Variants in NTN1 observed in about 807,000 individuals in gnomAD.
The protein encoded by NTN1 is netrin-1.
In NTN1, 11 loss-of-function variants were observed where a neutral mutation model predicts 54.2. The ratio of observed to expected loss-of-function variants is 0.20; its 90% CI spans 0.13 to 0.34. The LOEUF is 0.34. Ranked by LOEUF, NTN1 falls within the 10% of genes least tolerant of loss-of-function variation. The pLI is 1.00. For synonymous variants in NTN1, 371 were observed against 382.0 expected (o/e 0.97, Z 0.33); for missense variants, 740 against 893.1 (o/e 0.83, Z 2.18).
At chr17:9,138,464 G>A (rs898675424) in intron 2 of NTN1, among the ~76,000 whole-genome samples, 1 of 152,208 alleles carries the variant, frequency 6.6e-6, no homozygotes, top group East Asian at 1.9e-4. Context: ...TCGGTGGCTG[G>A]ACCCCAGACG....
chr17:9,201,040 A>G lies in NTN1; in HGVS notation c.1411+18071A>G, dbSNP rs368280315. ...TTTTTAATGGCACAGATGGCAGATA[A>G]TAGAGGACGATACTTAGAACTAGTG... On this transcript the variant is annotated intron_variant, in intron 5 of 6. Transcript: ENST00000173229. 1.0e-3 allele frequency among the ~76,000 whole-genome samples: 152 copies of G among 152,238 alleles called. 1 individual carries two copies. Among genetic ancestry groups the G allele is most frequent in the Middle Eastern group, 6.8e-3 (2 of 294 alleles).
intron 2 of NTN1, among the ~76,000 whole-genome samples, chr17:9,141,446 G>A (rs1016841182): frequency 6.6e-6 from 1 of 152,134 alleles, no homozygotes; most frequent in Non-Finnish European, 1.5e-5. Context: ...GAGAGAGGTG[G>A]ATCCAACATG....
intron 2 of NTN1, among the ~76,000 whole-genome samples, chr17:9,048,657 T>G (rs1022719111): frequency 4.0e-5 from 6 of 148,992 alleles, no homozygotes; most frequent in African/African-American, 1.5e-4. Context: ...GTAGCCACTT[T>G]TTTTTTTTCT....
rs752350001 is a variant in NTN1 at position 9,165,118 on chromosome 17, C to T, written c.1207+2117C>T. Among the ~76,000 whole-genome samples, 15 of 152,270 alleles carry T rather than the reference C, an allele frequency of 9.9e-5. No individual in the cohort carries two copies. Among genetic ancestry groups the T allele is most frequent in the Admixed American group, 5.9e-4 (9 of 15,298 alleles). On this transcript the variant is annotated intron_variant, in intron 3 of 6. Coordinates refer to ENST00000173229, the MANE Select transcript of NTN1 (RefSeq NM_004822.3). The surrounding 1 kb of genome is among the most constrained non-coding windows in gnomAD (Gnocchi z 4.5). ...ACCCAACAGCGGCCACTCAGGTGGG[C>T]AGTCCTGTGCCTGAGAGTGAGAAGG...
At chr17:9,184,513 T>G (rs1300097665) in intron 5 of NTN1, among the ~76,000 whole-genome samples, 2 of 152,236 alleles carry the variant, frequency 1.3e-5, no homozygotes, top group African/African-American at 4.8e-5. Context: ...CTCTTTGATG[T>G]GACATTTGTC....
intron 3 of NTN1, chr17:9,174,826 A>G (rs933667280): frequency 2.0e-5 from 3 of 150,314 alleles, no homozygotes; most frequent in African/African-American, 7.6e-5. Context: ...GTCAGGCCAG[A>G]AGCGGAACTT....
chr17:9,121,865 C>T (rs1041764840), intron 2 of NTN1, among the ~76,000 whole-genome samples: 1 of 152,158 alleles, frequency 6.6e-6, no homozygotes, highest in Non-Finnish European at 1.5e-5. Context: ...CAAATCAGTC[C>T]TCCTGTCACC....
At chr17:9,048,031 G>A (rs543483343) in intron 2 of NTN1, among the ~76,000 whole-genome samples, 5 of 152,298 alleles carry the variant, frequency 3.3e-5, no homozygotes, top group African/African-American at 1.2e-4. Flanking sequence ...CTAGAATGGT[G>A]AATCCTTTTC....
intron 6 of NTN1, among the ~76,000 whole-genome samples, chr17:9,226,161 T>TGGGGGGGGGGG (rs148213778): frequency 2.1e-3 from 250 of 117,968 alleles, no homozygotes; most frequent in Non-Finnish European, 2.7e-3. Context: ...GGATTTGGGG[T>TGGGGGGGGGGG]CGGGGGGGGG....
At chr17:9,081,837 A>T (rs1401525994) in intron 2 of NTN1, among the ~76,000 whole-genome samples, 1 of 152,234 alleles carries the variant, frequency 6.6e-6, no homozygotes, top group African/African-American at 2.4e-5. Context: ...AGAAAGTCAG[A>T]TAAATATTTA....
chr17:9,167,226 A>G (rs1379786413), intron 3 of NTN1, among the ~76,000 whole-genome samples: 13 of 152,132 alleles, frequency 8.5e-5, no homozygotes, highest in Non-Finnish European at 2.9e-5. Context: ...ATGGTCTGTG[A>G]ATGATACTCG....
intron 5 of NTN1, among the ~76,000 whole-genome samples, chr17:9,216,764 T>G (rs1905224161): frequency 6.6e-6 from 1 of 152,214 alleles, no homozygotes; most frequent in Non-Finnish European, 1.5e-5. Context: ...AAGGTGAGAC[T>G]GGGTGCGGTG....
At chr17:9,227,475 CACAT>C (rs1905618925) in intron 6 of NTN1, among the ~76,000 whole-genome samples, 1 of 135,926 alleles carries the variant, frequency 7.4e-6, no homozygotes, top group African/African-American at 2.9e-5. Context: ...CACAGTCACA[CACAT>C]AGCACACACA....
At chr17:9,179,473 C>A (rs570892822) in intron 3 of NTN1, among the ~76,000 whole-genome samples, 1 of 152,240 alleles carries the variant, frequency 6.6e-6, no homozygotes, top group South Asian at 2.1e-4. Flanking sequence ...ACTCCTCCAC[C>A]CAGGCGTGAT....
At chr17:9,106,472 CCTTCCTT>C (rs1567711903) in intron 2 of NTN1, among the ~76,000 whole-genome samples, 749 of 16,792 alleles carry the variant, frequency 0.045, 13 homozygotes, top group African/African-American at 0.11. Context: ...TTCCTCCCTT[CCTTCCTT>C]CCTTCCTTCC....
At chr17:9,098,463 G>T (rs775027908) in intron 2 of NTN1, among the ~76,000 whole-genome samples, 2 of 152,234 alleles carry the variant, frequency 1.3e-5, no homozygotes, top group Non-Finnish European at 2.9e-5. Flanking sequence ...TTGCAGGATG[G>T]CTGGGAAGGG....
intron 2 of NTN1, among the ~76,000 whole-genome samples, chr17:9,058,926 C>G (rs936510596): frequency 6.6e-6 from 1 of 152,118 alleles, no homozygotes; most frequent in Non-Finnish European, 1.5e-5. Context: ...AATCCAGACT[C>G]GGCCACTTCC....
At chr17:9,099,232 T>C (rs1450884305) in intron 2 of NTN1, among the ~76,000 whole-genome samples, 1 of 152,190 alleles carries the variant, frequency 6.6e-6, no homozygotes, top group Non-Finnish European at 1.5e-5. Context: ...GTTGAAACCC[T>C]GTCTCTACTA....
intron 2 of NTN1, among the ~76,000 whole-genome samples, chr17:9,100,771 G>GT (rs139849676): frequency 0.035 from 5,326 of 152,172 alleles, 128 homozygotes; most frequent in Middle Eastern, 0.065. Context: ...TATTTATAGA[G>GT]TTTTTTTGTT....
Sources: gnomAD v4.1 joint callset for allele counts (sites outside exome capture counted in the v4.1 genomes callset) on GRCh38, gnomAD v4.1.1 for gene constraint, Gnocchi (gnomAD v3.1) non-coding constraint, MANE v1.5 for transcripts, NCBI Gene and HGNC (gene_info 2026-07-23, HGNC 2026-07-21) for gene names.